Variants in TTC6 observed in about 807,000 individuals in gnomAD.
The protein encoded by TTC6 is tetratricopeptide repeat domain 6, also known as tetratricopeptide repeat protein 6.
Under a neutral mutation model 210.4 loss-of-function variants are expected in TTC6, and 172 were observed. That is an observed-to-expected ratio of 0.82 (90% CI 0.72 to 0.93). The LOEUF is 0.93. Among genes scored for constraint, TTC6 ranks in the 40% least tolerant of loss-of-function variants. TTC6 has a pLI of 0.00. For synonymous variants in TTC6, 804 were observed against 819.6 expected (o/e 0.98, Z 0.32); for missense variants, 2,414 against 2,318.1 (o/e 1.04, Z -0.85).
At chr14:37,766,905 C>T (rs1438996873) in intron 14 of TTC6, among the ~76,000 whole-genome samples, 2 of 152,138 alleles carry the variant, frequency 1.3e-5, no homozygotes, top group Admixed American at 6.6e-5. Flanking sequence ...CACCCACTAA[C>T]TCGTCATCTA....
chr14:37,597,707 C>T lies in TTC6; in HGVS notation c.-235+1699C>T, dbSNP rs537333246. Among the ~76,000 whole-genome samples the T allele has an allele frequency of 3.9e-5, 6 of 152,252 alleles. No individual in the cohort carries two copies. In the East Asian group the frequency reaches 9.7e-4, roughly 25 times the overall value. The stretch of plus-strand genomic sequence containing the variant: ...AGGTCAGGGATCCCAGGTTCGCAGC[C>T]GGGGGATTTCCACGAAAACAGCGCC... On this transcript the variant is annotated intron_variant, in intron 1 of 2. Transcript: ENST00000556845.
chr14:37,771,169 A>G (rs2096017139), intron 14 of TTC6, among the ~76,000 whole-genome samples: 1 of 152,044 alleles, frequency 6.6e-6, no homozygotes, highest in African/African-American at 2.4e-5. Flanking sequence ...CTGCCGAGAG[A>G]TCCACTGTTA....
intron 1 of TTC6, among the ~76,000 whole-genome samples, chr14:37,677,430 A>T (rs1055192220): frequency 3.3e-5 from 5 of 152,014 alleles, no homozygotes; most frequent in African/African-American, 1.2e-4. Context: ...TATTAGCTCT[A>T]GTAGGTTTTT....
chr14:37,748,991 C>T, exon 11 of TTC6: 1 of 1,532,496 alleles, frequency 6.5e-7, no homozygotes, highest in East Asian at 2.5e-5. Context: ...GTTCAAAGTT[C>T]CATTATATGA....
chr14:37,720,318 T>TA (rs1255722128), intron 6 of TTC6: 2 of 152,152 alleles, frequency 1.3e-5, no homozygotes, highest in Non-Finnish European at 2.9e-5. Flanking sequence ...TTCTGTAAGA[T>TA]AAAGTGTCTG....
intron 1 of TTC6, among the ~76,000 whole-genome samples, chr14:37,675,678 C>T (rs2095767520): frequency 6.6e-6 from 1 of 151,858 alleles, no homozygotes; most frequent in African/African-American, 2.4e-5. Flanking sequence ...CACCATTTTA[C>T]ATTCCCGGTA....
intron 10 of TTC6, among the ~76,000 whole-genome samples, chr14:37,747,756 G>T (rs1038563092): frequency 6.6e-6 from 1 of 152,204 alleles, no homozygotes; most frequent in Non-Finnish European, 1.5e-5. Flanking sequence ...GAATATGGAG[G>T]TGCAAACGAA....
exon 9 of TTC6, chr14:37,737,705 T>G: frequency 6.6e-7 from 1 of 1,526,598 alleles, no homozygotes; most frequent in South Asian, 1.2e-5. Context: ...TATCCAAAAA[T>G]GGTTTAGTGC....
chr14:37,654,627 A>G (rs1338525118), intron 1 of TTC6, among the ~76,000 whole-genome samples: 1 of 152,198 alleles, frequency 6.6e-6, no homozygotes, highest in Non-Finnish European at 1.5e-5. Flanking sequence ...AGAAAGGACT[A>G]ATACAATGCT....
At chr14:37,695,881 C>T (rs961841121) in intron 3 of TTC6, among the ~76,000 whole-genome samples, 1 of 152,010 alleles carries the variant, frequency 6.6e-6, no homozygotes, top group Non-Finnish European at 1.5e-5. Context: ...AGTCAGATCT[C>T]AGATGAAATT....
chr14:37,817,456 T>A (rs1333164348), intron 25 of TTC6, 122 bp from the exon 28 acceptor site: 2 of 751,068 alleles, frequency 2.7e-6, no homozygotes, highest in South Asian at 1.8e-5. Flanking sequence ...TTGTGTCACA[T>A]GTATTTAGGA....
In TTC6 at chr14:37,812,481, T is replaced by A. The variant is rs770950403; in HGVS notation, c.4689+48T>A. 7 of 1,491,406 alleles carry A rather than the reference T, an allele frequency of 4.7e-6. No individual in the cohort carries two copies. In the African/African-American group the frequency reaches 1.0e-4, roughly 21 times the overall value. The allele number at this position is 1,491,406 out of a possible 1,614,324, so 92.4% of individuals were successfully genotyped here. A position where few individuals can be genotyped will look rare whatever the true frequency, so the allele number is the denominator to read the frequency against. On this transcript the variant is annotated intron_variant, in intron 25 of 30. Transcript: ENST00000553443. The stretch of plus-strand genomic sequence containing the variant: ...CCACTTGATTTTGCACATTGACTTC[T>A]GAGAACTAGTGAACAAGATTTTATT...
At chr14:37,820,942 CT>C (rs2096154639) in intron 26 of TTC6, among the ~76,000 whole-genome samples, 4 of 145,108 alleles carry the variant, frequency 2.8e-5, no homozygotes, top group African/African-American at 1.1e-4. Context: ...CCTCCTCCTT[CT>C]TCTCCTCCTC....
At chr14:37,778,978 C>G (rs1308296984) in intron 14 of TTC6, among the ~76,000 whole-genome samples, 3 of 152,182 alleles carry the variant, frequency 2.0e-5, no homozygotes, top group Non-Finnish European at 4.4e-5. Context: ...TGCAGACTTT[C>G]CTGCTCCAAA....
At chr14:37,675,374 T>G (rs899800958) in intron 1 of TTC6, among the ~76,000 whole-genome samples, 2 of 152,168 alleles carry the variant, frequency 1.3e-5, no homozygotes, top group Non-Finnish European at 2.9e-5. Context: ...GTTTTCAAGA[T>G]TCATCCAACA....
At chr14:37,691,948 T>C (rs2095804295) in intron 3 of TTC6, among the ~76,000 whole-genome samples, 1 of 151,822 alleles carries the variant, frequency 6.6e-6, no homozygotes, top group African/African-American at 2.4e-5. Flanking sequence ...GACAGATCCC[T>C]AGACACATAC....
At chr14:37,727,627 T>C (rs926063623) in intron 7 of TTC6, among the ~76,000 whole-genome samples, 1 of 150,942 alleles carries the variant, frequency 6.6e-6, no homozygotes, top group Non-Finnish European at 1.5e-5. Context: ...AATTAATTTC[T>C]TCATGTTTCT....
At chr14:37,684,369 A>G (rs1288598762) in intron 3 of TTC6, among the ~76,000 whole-genome samples, 1 of 152,126 alleles carries the variant, frequency 6.6e-6, no homozygotes, top group Non-Finnish European at 1.5e-5. Flanking sequence ...GTAATAGTTG[A>G]CCAGAGGAAA....
intron 14 of TTC6, among the ~76,000 whole-genome samples, chr14:37,761,681 A>C (rs1322922928): frequency 6.6e-6 from 1 of 152,156 alleles, no homozygotes; most frequent in Non-Finnish European, 1.5e-5. Context: ...TGCCTCAAAT[A>C]AGTATGTGTT....
Sources: allele counts gnomAD v4.1 joint callset (sites outside exome capture counted in the v4.1 genomes callset), GRCh38; gene constraint gnomAD v4.1.1; transcripts MANE v1.5; gene names NCBI Gene and HGNC (gene_info 2026-07-23, HGNC 2026-07-21).